The following ULK4 variants were observed in gnomAD, a reference collection of about 807,000 sequenced individuals.
ULK4 encodes the protein inactive serine/threonine-protein kinase ULK4.
In ULK4, 133 loss-of-function variants were observed where a neutral mutation model predicts 160.6. The ratio of observed to expected loss-of-function variants is 0.83; its 90% CI spans 0.72 to 0.96. The LOEUF (loss-of-function observed/expected upper bound fraction) is 0.96, where lower values mean the gene tolerates loss of function less well. Among genes scored for constraint, ULK4 ranks in the 40% least tolerant of loss-of-function variants. The pLI, the probability that ULK4 is intolerant of heterozygous loss-of-function variation, is 0.00. For missense variants in ULK4, 1,580 were observed against 1,499.5 expected (o/e 1.05, Z -0.89); for synonymous variants, 534 against 539.8 (o/e 0.99, Z 0.15).
intron 30 of ULK4, among the ~76,000 whole-genome samples, chr3:41,629,711 CG>C (rs2125701617): frequency 6.6e-6 from 1 of 152,170 alleles, no homozygotes; most frequent in East Asian, 1.9e-4. Flanking sequence ...CTTCTTTGGC[CG>C]GGCATGGTGG....
intron 7 of ULK4, among the ~76,000 whole-genome samples, chr3:41,918,243 A>T (rs1699041191): frequency 6.6e-6 from 1 of 152,222 alleles, no homozygotes; most frequent in South Asian, 2.1e-4. Flanking sequence ...AATAGTTTTT[A>T]AATGAGGGAA....
At chr3:41,829,899 A>G (rs28642910) in intron 18 of ULK4, among the ~76,000 whole-genome samples, 34,781 of 146,128 alleles carry the variant, frequency 0.24, 5,242 homozygotes, top group African/African-American at 0.43. Flanking sequence ...ACCAACCCAG[A>G]TGTCCAACAA....
chr3:41,410,557 T>C lies in ULK4; in HGVS notation c.3493-12293A>G, dbSNP rs564221741. On this transcript the variant is annotated intron_variant, in intron 34 of 36. Coordinates refer to ENST00000301831, the MANE Select transcript of ULK4 (RefSeq NM_017886.4). ...ACTTTTAATGAGTATGAGGCTGCTG[T>C]TGGGCATGATGAAAATATTCTGGAA... is the stretch of plus-strand genomic sequence containing the variant. Among the ~76,000 whole-genome samples, 34 of 152,254 alleles carry C rather than the reference T, an allele frequency of 2.2e-4. No individual in the cohort carries two copies. The South Asian group carries it at 3.7e-3, about 17-fold the overall frequency.
chr3:41,497,282 G>T (rs78698570), intron 32 of ULK4, among the ~76,000 whole-genome samples: 10,152 of 152,066 alleles, frequency 0.067, 1,077 homozygotes, highest in African/African-American at 0.22. Flanking sequence ...GGAAAAAAAG[G>T]TCAGTAAACC....
At chr3:41,829,172 A>C (rs1297371216) in intron 18 of ULK4, among the ~76,000 whole-genome samples, 1 of 150,646 alleles carries the variant, frequency 6.6e-6, no homozygotes, top group Non-Finnish European at 1.5e-5. Flanking sequence ...CTTAAATGTT[A>C]GACCTAAAAC....
At chr3:41,457,682 C>A (rs371215244) in intron 33 of ULK4, among the ~76,000 whole-genome samples, 86 of 152,318 alleles carry the variant, frequency 5.6e-4, no homozygotes, top group African/African-American at 2.0e-3. Flanking sequence ...TCATGTCAGC[C>A]TCCTAACTCC....
intron 18 of ULK4, among the ~76,000 whole-genome samples, chr3:41,832,935 G>A (rs1412250810): frequency 6.6e-6 from 1 of 152,088 alleles, no homozygotes; most frequent in African/African-American, 2.4e-5. Flanking sequence ...GGTTACTGTA[G>A]CCTTGTAGTA....
At chr3:41,671,363 A>C (rs1001855985) in intron 29 of ULK4, among the ~76,000 whole-genome samples, 9 of 152,188 alleles carry the variant, frequency 5.9e-5, no homozygotes, top group African/African-American at 2.2e-4. Flanking sequence ...ATAGTAACCA[A>C]AACAGCATGG....
intron 21 of ULK4, among the ~76,000 whole-genome samples, chr3:41,760,778 C>G (rs1357567856): frequency 6.6e-6 from 1 of 152,194 alleles, no homozygotes; most frequent in East Asian, 1.9e-4. Context: ...ACACTGAAAT[C>G]TGAAACACTT....
intron 22 of ULK4, among the ~76,000 whole-genome samples, chr3:41,735,380 G>A (rs1216029597): frequency 1.3e-5 from 2 of 152,052 alleles, no homozygotes; most frequent in African/African-American, 4.8e-5. Flanking sequence ...CACACTCCTT[G>A]CTTTTTAACT....
At chr3:41,556,078 T>C (rs1162788743) in intron 32 of ULK4, among the ~76,000 whole-genome samples, 5 of 152,146 alleles carry the variant, frequency 3.3e-5, no homozygotes, top group African/African-American at 7.2e-5. Flanking sequence ...TAATGAGTAC[T>C]AGGCTTAATA....
At chr3:41,843,376 T>C (rs1279692961) in intron 17 of ULK4, among the ~76,000 whole-genome samples, 4 of 152,236 alleles carry the variant, frequency 2.6e-5, no homozygotes. Context: ...TTGGTCTCAC[T>C]GACTTCAAGA....
At chr3:41,791,874 C>T (rs939834173) in intron 20 of ULK4, among the ~76,000 whole-genome samples, 9 of 152,148 alleles carry the variant, frequency 5.9e-5, no homozygotes, top group Non-Finnish European at 1.2e-4. Flanking sequence ...ATATGAAACA[C>T]CTATAAAATT....
In ULK4 at chr3:41,931,677, G is replaced by T. The variant is rs920328735; in HGVS notation, c.541+167C>A. ...GAGTAGATCCACATTGAATACTTTAGGCCATGGACAAAGCCATTCCTATGC... is the reference window on the plus strand; with the variant it reads ...GAGTAGATCCACATTGAATACTTTATGCCATGGACAAAGCCATTCCTATGC... On this transcript the variant is annotated intron_variant, in intron 5 of 36. Transcript: ENST00000301831. 6 of 784,972 alleles carry T rather than the reference G, an allele frequency of 7.6e-6. No homozygotes were observed. The African/African-American group carries it at 1.0e-4, about 14-fold the overall frequency. The allele number at this position is 784,972 out of a possible 1,614,324, so 48.6% of individuals were successfully genotyped here.
intron 32 of ULK4, among the ~76,000 whole-genome samples, chr3:41,552,056 A>G (rs958005444): frequency 1.3e-5 from 2 of 152,060 alleles, no homozygotes; most frequent in African/African-American, 4.8e-5. Flanking sequence ...ACACGGTTCA[A>G]TATCTCTTCA....
chr3:41,381,998 T>C (rs557985303), intron 35 of ULK4, among the ~76,000 whole-genome samples: 18 of 152,252 alleles, frequency 1.2e-4, no homozygotes, highest in African/African-American at 3.9e-4. Context: ...ACTTGCTATT[T>C]CCCTGCTCCA....
rs779690374 is a variant in ULK4, at chr3:41,912,838, G to C, written c.865C>G (p.Gln289Glu). 6.2e-7 allele frequency: 1 copy of C among 1,614,090 alleles called. No homozygotes were observed. Among genetic ancestry groups the C allele is most frequent in the Non-Finnish European group, 8.5e-7 (1 of 1,180,006 alleles). The change falls in exon 9 of 37, where the codon CAG (glutamine) becomes GAG (glutamate). Residue 289 changes from glutamine (Q) to glutamate (E), a missense_variant. Transcript: ENST00000301831. ...FWKKAFAGADQESSVEDLSLS... is the reference protein window; with the variant it reads ...FWKKAFAGADEESSVEDLSLS... The stretch of plus-strand genomic sequence containing the variant: ...CTGAGATCTTCGACGCTTGATTCCT[G>C]ATCTGCTCCAGCAAAAGCTTTCTTC...
At chr3:41,925,795 G>A (rs752942599) in intron 5 of ULK4, among the ~76,000 whole-genome samples, 2 of 151,946 alleles carry the variant, frequency 1.3e-5, no homozygotes, top group East Asian at 1.9e-4. Flanking sequence ...ATGGAAGAGC[G>A]AACTGGGTGG....
chr3:41,307,776 G>C (rs1259637728), intron 35 of ULK4, among the ~76,000 whole-genome samples: 2 of 152,158 alleles, frequency 1.3e-5, no homozygotes, highest in African/African-American at 4.8e-5. Context: ...ATTACAGTGA[G>C]CTATGATTGT....
Sources: gnomAD v4.1 joint callset for allele counts (sites outside exome capture counted in the v4.1 genomes callset) on GRCh38, gnomAD v4.1.1 for gene constraint, MANE v1.5 for transcripts, NCBI Gene and HGNC (gene_info 2026-07-23, HGNC 2026-07-21) for gene names.